HNRNPUL2: variants seen among roughly 807,000 people sequenced by gnomAD.
HNRNPUL2 encodes heterogeneous nuclear ribonucleoprotein U-like protein 2.
HNRNPUL2 carries 27 observed loss-of-function variants against 102.2 expected under a neutral mutation model. That is an observed-to-expected ratio of 0.26 (90% CI 0.19 to 0.36). The LOEUF (loss-of-function observed/expected upper bound fraction) is 0.36. Ranked by LOEUF, HNRNPUL2 falls within the 10% of genes least tolerant of loss-of-function variation. The pLI is 1.00. For synonymous variants in HNRNPUL2, 458 were observed against 387.2 expected, an observed-to-expected ratio of 1.18 and a Z score of -2.15; for missense variants, 936 against 981.1, an observed-to-expected ratio of 0.95 and a Z score of 0.61.
At position 62,727,173 on chromosome 11, in the gene HNRNPUL2, T is replaced by C. The variant is rs1461695212; in HGVS notation, c.-17A>G. On this transcript the variant is annotated 5_prime_UTR_variant, in exon 1 of 14. Coordinates refer to ENST00000301785, the MANE Select transcript of HNRNPUL2 (RefSeq NM_001079559.3). ...CACCTCCATCGCCGCCGCCGCCTCC[T>C]CCGCCTCCCGCCGCCTCCTCCCCTG... 1 of 1,401,984 alleles carries C rather than the reference T, an allele frequency of 7.1e-7. No homozygotes were observed. 86.8% of individuals were successfully genotyped at this position (1,401,984 alleles called of 1,614,324 possible).
chr11:62,722,463 C>A, intron 6 of HNRNPUL2, 83 bp from the exon 7 acceptor site: 1 of 1,512,338 alleles, frequency 6.6e-7, no homozygotes. Flanking sequence ...TTTTTTCACA[C>A]AGACTGCTGC....
intron 10 of HNRNPUL2, among the ~76,000 whole-genome samples, chr11:62,717,913 C>T (rs1203741124): frequency 6.6e-6 from 1 of 152,224 alleles, no homozygotes; most frequent in Non-Finnish European, 1.5e-5. Flanking sequence ...GCACATCTGC[C>T]AGTCTCTGGA....
Position 62,715,513 on chromosome 11 carries a change from T to C in HNRNPUL2, c.2150A>G (p.Gln717Arg), listed in dbSNP as rs896149564. 6.2e-7 allele frequency: 1 copy of C among 1,610,902 alleles called. No homozygotes were observed. The highest frequency in any genetic ancestry group is 8.5e-7 in the Non-Finnish European group (1 of 1,177,332). Residue 717 changes from glutamine (Q) to arginine (R), a missense_variant, in exon 13 of 14, where the codon CAA (glutamine) becomes CGA (arginine). By Grantham distance (43) the Gln-to-Arg change is conservative. Transcript: ENST00000301785. ...EYNRYRDYYR[Q>R]YNRDWQSYYY... ...GAAGATACTCACATCCCGATTGTATTGTCTGTAATAGTCTCTGTATCTGTT... is the reference window on the plus strand; with the variant it reads ...GAAGATACTCACATCCCGATTGTATCGTCTGTAATAGTCTCTGTATCTGTT...
chr11:62,720,269 G>C, intron 9 of HNRNPUL2, 78 bp from the exon 10 acceptor site: 1 of 1,397,586 alleles, frequency 7.2e-7, no homozygotes, highest in Non-Finnish European at 1.0e-6. Context: ...GTATCAGCTG[G>C]GCACGGTGGC....
At chr11:62,723,477 G>A in intron 4 of HNRNPUL2, 110 bp downstream of exon 4, 1 of 1,201,948 alleles carries the variant, frequency 8.3e-7, no homozygotes, top group Non-Finnish European at 1.2e-6. Flanking sequence ...GGTAACAAGA[G>A]CGAAACTCCA....
intron 6 of HNRNPUL2, 29 bp downstream of exon 6, chr11:62,722,572 T>C: frequency 6.4e-7 from 1 of 1,574,568 alleles, no homozygotes; most frequent in Non-Finnish European, 8.7e-7. Context: ...CGCTCCTTGT[T>C]ATAACCCACA....
chr11:62,723,169 T>C (rs2083717100), intron 4 of HNRNPUL2, among the ~76,000 whole-genome samples: 1 of 152,220 alleles, frequency 6.6e-6, no homozygotes, highest in South Asian at 2.1e-4. Flanking sequence ...AGTAGCTTAA[T>C]GAATAAATGA....
Position 62,715,117 on chromosome 11 carries a change from GTTGT to G in HNRNPUL2, c.*178_*181del, listed in dbSNP as rs1028862379. 151 of 541,810 alleles carry G rather than the reference GTTGT, an allele frequency of 2.8e-4. 2 individuals carry two copies. The highest frequency in any genetic ancestry group is 1.0e-3 in the Middle Eastern group (2 of 1,992). The allele number at this position is 541,810 out of a possible 1,614,324, so 33.6% of individuals were successfully genotyped here. ...AACTTTAAAAAAAATGTACAGTTTT[GTTGT>G]TTGTTTCCACCTCCCCCCTCCCCCA... On this transcript the variant is annotated 3_prime_UTR_variant, in exon 14 of 14. Coordinates refer to ENST00000301785, the MANE Select transcript of HNRNPUL2 (RefSeq NM_001079559.3).
chr11:62,727,322 C>G lies in HNRNPUL2; in HGVS notation c.-166G>C. The G allele has an allele frequency of 2.3e-6, 2 of 869,702 alleles. No individual in the cohort carries two copies. The highest frequency in any genetic ancestry group is 3.0e-6 in the Non-Finnish European group (2 of 666,458). The allele number at this position is 869,702 out of a possible 1,614,324, so 53.9% of individuals were successfully genotyped here. The stretch of plus-strand genomic sequence containing the variant: ...CAGGAGCGGAGGCCGCGCACGGTCC[C>G]GCTGCGCAGTGTTTGCTTCTCCTTC... On this transcript the variant is annotated 5_prime_UTR_variant, in exon 1 of 14. Coordinates refer to ENST00000301785, the MANE Select transcript of HNRNPUL2 (RefSeq NM_001079559.3).
At chr11:62,718,303 G>A (rs945979578) in intron 10 of HNRNPUL2, among the ~76,000 whole-genome samples, 1 of 152,070 alleles carries the variant, frequency 6.6e-6, no homozygotes, top group South Asian at 2.1e-4. Context: ...ACAGACTTCA[G>A]CCAAATTAAC....
intron 11 of HNRNPUL2, among the ~76,000 whole-genome samples, chr11:62,716,576 C>T (rs1351922967): frequency 2.6e-5 from 4 of 152,150 alleles, no homozygotes; most frequent in African/African-American, 9.7e-5. Context: ...ATAAAGCATT[C>T]GCTTTCTTGT....
chr11:62,720,926 G>A (rs1302107790), intron 9 of HNRNPUL2, among the ~76,000 whole-genome samples: 2 of 149,654 alleles, frequency 1.3e-5, no homozygotes, highest in African/African-American at 2.5e-5. Context: ...GAGATAAAGG[G>A]TCAATACACA....
chr11:62,716,952 G>A (rs1715843877), intron 11 of HNRNPUL2, 37 bp downstream of exon 11: 1 of 1,607,710 alleles, frequency 6.2e-7, no homozygotes, highest in Non-Finnish European at 8.5e-7. Flanking sequence ...ACAAAGAATG[G>A]ACTGAAGTAG....
chr11:62,726,632 G>T lies in HNRNPUL2; in HGVS notation c.525C>A (p.Ala175=). 6.3e-7 allele frequency: 1 copy of T among 1,589,860 alleles called. No individual in the cohort carries two copies. Among genetic ancestry groups the T allele is most frequent in the Non-Finnish European group, 8.5e-7 (1 of 1,174,712 alleles). ...TPGSEVPGDK[A]AEEQGDDQDS... is the part of the protein sequence containing the mutation. ...CCAGCTCCTCACCCTGTTCCTCGGC[G>T]GCCTTGTCACCCGGCACCTCGGATC... is the stretch of plus-strand genomic sequence containing the variant. Residue 175 remains alanine, a synonymous_variant, in exon 1 of 14, where the codon GCC becomes GCA. Coordinates refer to ENST00000301785, the MANE Select transcript of HNRNPUL2 (RefSeq NM_001079559.3).
chr11:62,722,390 C>G lies in HNRNPUL2; in HGVS notation c.1096-10G>C. The G allele has an allele frequency of 6.2e-7, 1 of 1,612,806 alleles. No homozygotes were observed. The highest frequency in any genetic ancestry group is 8.5e-7 in the Non-Finnish European group (1 of 1,179,298). ...CTTCAGTCTCAAAATTCTACAATGACAAGGGACAAGAGCACTTATTGGCTG... is the reference window on the plus strand; with the variant it reads ...CTTCAGTCTCAAAATTCTACAATGAGAAGGGACAAGAGCACTTATTGGCTG... On this transcript the variant is annotated splice_polypyrimidine_tract_variant and intron_variant, in intron 6 of 13. Coordinates refer to ENST00000301785, the MANE Select transcript of HNRNPUL2 (RefSeq NM_001079559.3).
intron 8 of HNRNPUL2, 114 bp from the exon 9 acceptor site, chr11:62,721,537 C>T (rs2083703102): frequency 3.0e-6 from 3 of 1,000,990 alleles, no homozygotes; most frequent in South Asian, 3.3e-5. Context: ...TCTATGATAT[C>T]ACTCTATTCC....
chr11:62,721,755 C>T lies in HNRNPUL2; in HGVS notation c.1482+65G>A, dbSNP rs1212840323. On this transcript the variant is annotated intron_variant, in intron 8 of 13. Transcript: ENST00000301785. ...TTCTCAGACACTTGAGACTAATTCT[C>T]CATTAAAGATAGGTTATAAGAGTCT... The T allele has an allele frequency of 3.3e-6, 5 of 1,535,814 alleles. No individual in the cohort carries two copies. In the East Asian group the frequency reaches 1.1e-4, roughly 35 times the overall value.
rs1251988145 is a variant in HNRNPUL2, at chr11:62,715,349, C to T, written c.2194G>A (p.Asp732Asn). The T allele has an allele frequency of 6.2e-7, 1 of 1,613,330 alleles. No homozygotes were observed. Among genetic ancestry groups the T allele is most frequent in the African/African-American group, 1.3e-5 (1 of 74,742 alleles). Residue 732 changes from aspartate to asparagine, a missense_variant, in exon 14 of 14, where the codon GAC (aspartate) becomes AAC (asparagine). Physicochemically the swap from Asp to Asn is conservative, Grantham distance 23. This residue lies in a region of HNRNPUL2 where 609 missense variants were observed against 713.0 expected (regional missense o/e 0.85). Coordinates refer to ENST00000301785, the MANE Select transcript of HNRNPUL2 (RefSeq NM_001079559.3). ...TAATTCCTGTAGTATCGGTCTCTGTCCTGGGGGTGGTGGTAGTAGTAACTC... is the reference window on the plus strand; with the variant it reads ...TAATTCCTGTAGTATCGGTCTCTGTTCTGGGGGTGGTGGTAGTAGTAACTC... ...WQSYYYHHPQ[D>N]RDRYYRNYYG... is the part of the protein sequence containing the mutation.
intron 1 of HNRNPUL2, among the ~76,000 whole-genome samples, chr11:62,726,102 CAA>C (rs1320301696): frequency 1.3e-5 from 2 of 152,164 alleles, no homozygotes; most frequent in Non-Finnish European, 2.9e-5. Context: ...CCTTACAGCT[CAA>C]AGAGGAGCAA....
Sources: allele counts gnomAD v4.1 joint callset (sites outside exome capture counted in the v4.1 genomes callset), GRCh38; gene constraint gnomAD v4.1.1; regional missense constraint gnomAD v4.1.1; transcripts MANE v1.5; gene names NCBI Gene and HGNC (gene_info 2026-07-23, HGNC 2026-07-21).